GABRA3: variants seen among roughly 807,000 people sequenced by gnomAD.
The protein encoded by GABRA3 is gamma-aminobutyric acid receptor subunit alpha-3.
Under a neutral mutation model 30.1 loss-of-function variants are expected in GABRA3, and 10 were observed. The observed-to-expected ratio is 0.33, with a 90% CI of 0.20 to 0.56. GABRA3 has a LOEUF of 0.56. GABRA3 is among the 20% of genes least tolerant of loss of function. GABRA3 has a pLI of 0.89. For synonymous variants in GABRA3, 151 were observed against 146.8 expected, an observed-to-expected ratio of 1.03 and a Z score of -0.21; for missense variants, 233 against 392.0, an observed-to-expected ratio of 0.59 and a Z score of 3.42.
At chrX:152,379,333 A>G (rs1350922226) in intron 1 of GABRA3, among the ~76,000 whole-genome samples, 1 of 111,689 alleles carries the variant, frequency 9.0e-6, no homozygotes, top group Non-Finnish European at 1.9e-5. Flanking sequence ...TAAGTGGTTG[A>G]AAATTAAGAA....
chrX:152,397,856 G>A (rs966392303), intron 1 of GABRA3, among the ~76,000 whole-genome samples: 5 of 111,082 alleles, frequency 4.5e-5, no homozygotes, highest in African/African-American at 6.6e-5. Context: ...AGATACTGTC[G>A]AAGTATCTAT....
rs935886055 is a variant in GABRA3, at chrX:152,201,026, G to C, written c.779-3241C>G. Among the ~76,000 whole-genome samples the C allele has an allele frequency of 4.5e-5, 5 of 112,291 alleles. No individual in the cohort carries two copies. In the Admixed American group the frequency reaches 4.7e-4, roughly 11 times the overall value. ...ATTGGAGGCTATCCGGGTCCAGTGT[G>C]AAATTGTCAAAGGGACAATGGAAAG... On this transcript the variant is annotated intron_variant, in intron 7 of 9. Coordinates refer to ENST00000370314, the MANE Select transcript of GABRA3 (RefSeq NM_000808.4).
chrX:152,419,319 C>T (rs868567668), intron 1 of GABRA3, among the ~76,000 whole-genome samples: 36 of 110,039 alleles, frequency 3.3e-4, no homozygotes, highest in African/African-American at 1.1e-3. Context: ...ATAAATGTAA[C>T]ACACAAAAAA....
intron 6 of GABRA3, among the ~76,000 whole-genome samples, chrX:152,214,292 GTGTT>G (rs1313377879): frequency 9.0e-6 from 1 of 111,408 alleles, no homozygotes; most frequent in Non-Finnish European, 1.9e-5. Flanking sequence ...GTCTGTGTAT[GTGTT>G]TGTAAATATA....
At chrX:152,241,726 G>A (rs1488261095) in intron 5 of GABRA3, among the ~76,000 whole-genome samples, 3 of 109,415 alleles carry the variant, frequency 2.7e-5, no homozygotes, top group East Asian at 2.9e-4. Context: ...TTCTTAAGCC[G>A]GTCTGAAAAG....
intron 4 of GABRA3, among the ~76,000 whole-genome samples, chrX:152,277,355 G>A (rs1396673171): frequency 9.0e-6 from 1 of 111,102 alleles, no homozygotes; most frequent in Non-Finnish European, 1.9e-5. Context: ...ATCTGAATCT[G>A]TTATCTAGAA....
chrX:152,449,681 C>T (rs1433995192), intron 1 of GABRA3, among the ~76,000 whole-genome samples: 6 of 111,440 alleles, frequency 5.4e-5, no homozygotes, highest in African/African-American at 2.0e-4. Flanking sequence ...CCACACTGTA[C>T]CTATTGTATC....
intron 4 of GABRA3, among the ~76,000 whole-genome samples, chrX:152,271,843 G>A (rs1393053470): frequency 8.9e-6 from 1 of 111,826 alleles, no homozygotes; most frequent in East Asian, 2.8e-4. Context: ...CCAATGTATA[G>A]CTCGGGCCAT....
intron 1 of GABRA3, among the ~76,000 whole-genome samples, chrX:152,439,455 C>T (rs182757588): frequency 2.1e-4 from 23 of 111,130 alleles, no homozygotes; most frequent in Admixed American, 1.2e-3. Context: ...ATGAAAATAC[C>T]AAGTGGTGGT....
chrX:152,373,296 G>T (rs1260245506), intron 1 of GABRA3, among the ~76,000 whole-genome samples: 1 of 111,387 alleles, frequency 9.0e-6, no homozygotes, highest in East Asian at 2.8e-4. Context: ...CCAACCCACT[G>T]TGGAGAGGCC....
intron 9 of GABRA3, among the ~76,000 whole-genome samples, chrX:152,182,596 C>CTATA (rs1160156869): frequency 2.7e-3 from 24 of 8,891 alleles, no homozygotes; most frequent in African/African-American, 0.012. Flanking sequence ...TATATACACA[C>CTATA]TATATATACT....
intron 9 of GABRA3, among the ~76,000 whole-genome samples, chrX:152,188,430 G>A (rs1046561083): frequency 9.0e-6 from 1 of 111,018 alleles, no homozygotes; most frequent in African/African-American, 3.3e-5. Context: ...ATTAGGAGAT[G>A]ATAGGAACTG....
Position 152,265,029 on chromosome X carries a change from G to A in GABRA3, c.331-9031C>T, listed in dbSNP as rs1938798909. Reference sequence around the variant, plus strand: ...ATTATTAGAGTTAAAGAGAGAGATGGAGCCCTATGCAATGATGGCTGGAGA... The same window carrying A: ...ATTATTAGAGTTAAAGAGAGAGATGAAGCCCTATGCAATGATGGCTGGAGA... On this transcript the variant is annotated intron_variant, in intron 4 of 9. Transcript: ENST00000370314. Among the ~76,000 whole-genome samples, 4 of 111,511 alleles carry A rather than the reference G, an allele frequency of 3.6e-5. No homozygotes were observed. In the South Asian group the frequency reaches 1.5e-3, roughly 43 times the overall value.
chrX:152,257,990 C>A (rs1296002094), intron 4 of GABRA3, among the ~76,000 whole-genome samples: 1 of 111,582 alleles, frequency 9.0e-6, no homozygotes, highest in East Asian at 2.8e-4. Context: ...ACACAAAAAA[C>A]TGGAAGGACA....
chrX:152,378,239 A>G (rs779430766), intron 1 of GABRA3, among the ~76,000 whole-genome samples: 1 of 112,005 alleles, frequency 8.9e-6, no homozygotes, highest in South Asian at 3.7e-4. Flanking sequence ...TCTAGGCACA[A>G]TGAGAGAGAA....
chrX:152,209,988 T>C (rs1037484053), intron 6 of GABRA3, among the ~76,000 whole-genome samples: 4 of 112,719 alleles, frequency 3.5e-5, no homozygotes, highest in African/African-American at 1.3e-4. Flanking sequence ...TCTGATACAA[T>C]TAATAGACTT....
At chrX:152,279,599 T>C (rs139709236) in intron 4 of GABRA3, among the ~76,000 whole-genome samples, 9,162 of 111,082 alleles carry the variant, frequency 0.082, 821 homozygotes, top group African/African-American at 0.26. Flanking sequence ...TGCGGGCTTT[T>C]TTTTGGTTCC....
intron 5 of GABRA3, chrX:152,250,914 G>A (rs1332285361): frequency 5.1e-5 from 9 of 175,959 alleles, no homozygotes; most frequent in Non-Finnish European, 1.0e-4. Context: ...GTGTTCTGCA[G>A]ACCTTATTCA....
intron 5 of GABRA3, among the ~76,000 whole-genome samples, chrX:152,243,654 T>C (rs1938418054): frequency 9.0e-6 from 1 of 111,533 alleles, no homozygotes; most frequent in African/African-American, 3.3e-5. Flanking sequence ...AGGAGTGATG[T>C]ATCTAGGGAA....
Sources: allele counts gnomAD v4.1 joint callset (sites outside exome capture counted in the v4.1 genomes callset), GRCh38; gene constraint gnomAD v4.1.1; transcripts MANE v1.5; gene names NCBI Gene and HGNC (gene_info 2026-07-23, HGNC 2026-07-21).